XKRX: variants seen among roughly 807,000 people sequenced by gnomAD.
XKRX encodes XK related X-linked, also known as XK-related protein 2.
In XKRX, 11 loss-of-function variants were observed where a neutral mutation model predicts 22.4. The ratio of observed to expected loss-of-function variants is 0.49; its 90% CI spans 0.31 to 0.81. The LOEUF is 0.81. Ranked by LOEUF, XKRX falls within the 40% of genes least tolerant of loss-of-function variation. XKRX has a pLI of 0.05. For synonymous variants in XKRX, 114 were observed against 132.2 expected, an observed-to-expected ratio of 0.86 and a Z score of 0.94; for missense variants, 320 against 336.5, an observed-to-expected ratio of 0.95 and a Z score of 0.38.
chrX:100,902,841 C>G, the XKRX span, among the ~76,000 whole-genome samples: 2 of 109,208 alleles, frequency 1.8e-5, no homozygotes, highest in African/African-American at 6.7e-5. Context: ...AGCTCCGCCT[C>G]CAGGGTTCAC....
rs985541968 is a variant in XKRX at position 100,921,303 on chromosome X, G to A, written c.604+1490C>T. Among the ~76,000 whole-genome samples, 3 of 111,664 alleles carry A rather than the reference G, an allele frequency of 2.7e-5. No individual in the cohort carries two copies. The East Asian group carries it at 8.4e-4, about 31-fold the overall frequency. ...TCCGCCTGTCTTGGCCTCCCAAAGTGTTAGGATTACAGGCGTGAGCCATCA... is the reference window on the plus strand; with the variant it reads ...TCCGCCTGTCTTGGCCTCCCAAAGTATTAGGATTACAGGCGTGAGCCATCA... On this transcript the variant is annotated intron_variant, in intron 2 of 2. Coordinates refer to ENST00000372956, the MANE Select transcript of XKRX (RefSeq NM_212559.3).
At chrX:100,906,192 TCATCAA>T in the XKRX span, among the ~76,000 whole-genome samples, 1 of 111,635 alleles carries the variant, frequency 9.0e-6, no homozygotes, top group Non-Finnish European at 1.9e-5. Flanking sequence ...GCCTCCCTCT[TCATCAA>T]CATCCCTCAT....
chrX:100,892,637 G>A, the XKRX span, among the ~76,000 whole-genome samples: 4 of 112,573 alleles, frequency 3.6e-5, no homozygotes, highest in South Asian at 3.7e-4. Context: ...GTATCACCTC[G>A]TACTTGTTAG....
chrX:100,898,774 C>A, the XKRX span, among the ~76,000 whole-genome samples: 2 of 110,496 alleles, frequency 1.8e-5, no homozygotes, highest in African/African-American at 3.3e-5. Context: ...GACTACCCCC[C>A]AAAAAAGAGC....
chrX:100,926,550 G>A (rs111966077), intron 1 of XKRX, among the ~76,000 whole-genome samples: 35 of 111,842 alleles, frequency 3.1e-4, no homozygotes, highest in African/African-American at 1.0e-3. Context: ...TAATGATGAG[G>A]TATCTTCCCA....
chrX:100,927,844 C>T (rs757943764), intron 1 of XKRX, 126 bp downstream of exon 1: 1 of 877,726 alleles, frequency 1.1e-6, no homozygotes, highest in African/African-American at 2.0e-5. Context: ...ACAGGGAAGC[C>T]GAGAGTGGGA....
At chrX:100,951,437 C>G in the XKRX span, among the ~76,000 whole-genome samples, 7 of 81,225 alleles carry the variant, frequency 8.6e-5, no homozygotes, top group Non-Finnish European at 1.6e-4. Flanking sequence ...TAAAGAGAAT[C>G]CCCCGGGGGT....
chrX:100,956,327 G>A, the XKRX span, among the ~76,000 whole-genome samples: 3 of 111,323 alleles, frequency 2.7e-5, no homozygotes, highest in Non-Finnish European at 5.7e-5. Context: ...TAACAAACCT[G>A]CACATCCTGC....
Position 100,913,962 on chromosome X carries a change from T to C in XKRX, c.*376A>G, listed in dbSNP as rs1215412280. 6.1e-6 allele frequency: 1 copy of C among 164,830 alleles called. No individual in the cohort carries two copies. The highest frequency in any genetic ancestry group is 3.0e-5 in the African/African-American group (1 of 33,542). The allele number at this position is 164,830 out of a possible 1,213,427, so 13.6% of individuals were successfully genotyped here. The stretch of plus-strand genomic sequence containing the variant: ...TCCTCTGATCAGTCAGGATATATTC[T>C]AGCGGGATTCTGGGCCTTCAGCTCA... On this transcript the variant is annotated 3_prime_UTR_variant, in exon 3 of 3. Transcript: ENST00000372956.
downstream of XKRX, chrX:100,910,910 C>A (rs1474736080): frequency 6.7e-6 from 4 of 599,075 alleles, no homozygotes; most frequent in Non-Finnish European, 1.1e-5. Flanking sequence ...TATCAAGATG[C>A]ATGAAAAGAG....
chrX:100,934,070 C>T (rs2085528727), upstream of XKRX, among the ~76,000 whole-genome samples: 1 of 111,250 alleles, frequency 9.0e-6, no homozygotes, highest in African/African-American at 3.3e-5. Flanking sequence ...ACCATGAATC[C>T]ACTTTCCATC....
chrX:100,921,195 TC>T (rs1399527327), intron 2 of XKRX, among the ~76,000 whole-genome samples: 1 of 110,995 alleles, frequency 9.0e-6, no homozygotes, highest in Non-Finnish European at 1.9e-5. Context: ...ACCATGCCCA[TC>T]CTTGATTTTT....
At chrX:100,907,965 G>GAA in the XKRX span, among the ~76,000 whole-genome samples, 3 of 112,049 alleles carry the variant, frequency 2.7e-5, no homozygotes, top group African/African-American at 9.7e-5. Context: ...AATCCTTGGT[G>GAA]AATTGAATGT....
chrX:100,932,555 A>C (rs1450759618), upstream of XKRX, among the ~76,000 whole-genome samples: 1 of 112,425 alleles, frequency 8.9e-6, no homozygotes, highest in Admixed American at 9.4e-5. Context: ...TCTAAAAGCC[A>C]TGTGGTCTAA....
At chrX:100,895,639 A>G in the XKRX span, among the ~76,000 whole-genome samples, 1 of 112,166 alleles carries the variant, frequency 8.9e-6, no homozygotes, top group Non-Finnish European at 1.9e-5. Flanking sequence ...CAACAAAAAC[A>G]ATGATGGGTC....
the XKRX span, among the ~76,000 whole-genome samples, chrX:100,954,226 C>T: frequency 1.8e-5 from 2 of 111,150 alleles, no homozygotes; most frequent in Non-Finnish European, 3.8e-5. Context: ...TGAGACCAGC[C>T]TCGCCAACAT....
chrX:100,906,979 G>C, the XKRX span, among the ~76,000 whole-genome samples: 1 of 111,313 alleles, frequency 9.0e-6, no homozygotes, highest in African/African-American at 3.3e-5. Flanking sequence ...GATAATTCAA[G>C]GTAACTCCCC....
At chrX:100,896,894 A>C in the XKRX span, among the ~76,000 whole-genome samples, 1 of 111,831 alleles carries the variant, frequency 8.9e-6, no homozygotes, top group South Asian at 3.7e-4. Context: ...TCAATCCCAA[A>C]AAACTAAAAA....
chrX:100,919,539 TAAGTA>T (rs769334892), intron 2 of XKRX, among the ~76,000 whole-genome samples: 2 of 111,368 alleles, frequency 1.8e-5, no homozygotes, highest in East Asian at 5.6e-4. Flanking sequence ...ATAACAAGAA[TAAGTA>T]AATAGCTCCT....
Sources: gnomAD v4.1 joint callset for allele counts (sites outside exome capture counted in the v4.1 genomes callset) on GRCh38, gnomAD v4.1.1 for gene constraint, MANE v1.5 for transcripts, NCBI Gene and HGNC (gene_info 2026-07-23, HGNC 2026-07-21) for gene names.